HEMK2: variants seen among roughly 807,000 people sequenced by gnomAD.
HEMK2 encodes methyltransferase HEMK2.
chr21:28,753,514 G>A, the HEMK2 span, among the ~76,000 whole-genome samples: 1 of 152,098 alleles, frequency 6.6e-6, no homozygotes, highest in Admixed American at 6.5e-5. Flanking sequence ...GGTCATTATG[G>A]GAGCAGAAGG....
the HEMK2 span, among the ~76,000 whole-genome samples, chr21:28,768,760 T>C: frequency 6.6e-6 from 1 of 152,022 alleles, no homozygotes; most frequent in African/African-American, 2.4e-5. Context: ...CTAAAAGTCA[T>C]ATGTTGAAGC....
At chr21:28,831,775 C>G in the HEMK2 span, among the ~76,000 whole-genome samples, 1,991 of 108,504 alleles carry the variant, frequency 0.018, 40 homozygotes, top group East Asian at 0.086. Flanking sequence ...AAGAAAGAAA[C>G]AGTATCACCT....
chr21:28,597,449 T>C, the HEMK2 span, among the ~76,000 whole-genome samples: 1 of 152,210 alleles, frequency 6.6e-6, no homozygotes, highest in African/African-American at 2.4e-5. Context: ...CAAGGAGTAA[T>C]TAATAGAATT....
the HEMK2 span, chr21:28,885,230 G>A: frequency 3.2e-6 from 5 of 1,581,986 alleles, no homozygotes; most frequent in Middle Eastern, 1.7e-4. Context: ...TTCGGCAGCC[G>A]CTGCCTCCAG....
At chr21:28,828,482 C>G in the HEMK2 span, among the ~76,000 whole-genome samples, 1 of 152,152 alleles carries the variant, frequency 6.6e-6, no homozygotes, top group Non-Finnish European at 1.5e-5. Flanking sequence ...GGTGAACACT[C>G]ATAATAGTGG....
the HEMK2 span, among the ~76,000 whole-genome samples, chr21:28,867,581 G>C: frequency 6.6e-6 from 1 of 152,138 alleles, no homozygotes; most frequent in African/African-American, 2.4e-5. Context: ...AAAAAAACAA[G>C]GCTTTTGGGT....
the HEMK2 span, among the ~76,000 whole-genome samples, chr21:28,713,283 C>A: frequency 1.3e-5 from 2 of 152,138 alleles, no homozygotes; most frequent in Admixed American, 6.5e-5. Context: ...CATCTCTCAC[C>A]GGGAGGACAG....
chr21:28,717,228 T>C, the HEMK2 span, among the ~76,000 whole-genome samples: 1 of 152,180 alleles, frequency 6.6e-6, no homozygotes, highest in Non-Finnish European at 1.5e-5. Context: ...AATTCAGATA[T>C]GAATCCATCA....
chr21:28,697,748 C>A, the HEMK2 span, among the ~76,000 whole-genome samples: 3 of 121,152 alleles, frequency 2.5e-5, no homozygotes, highest in African/African-American at 1.0e-4. Context: ...TGTCTCCAGG[C>A]TTCTTGTACA....
chr21:28,818,725 G>A, the HEMK2 span, among the ~76,000 whole-genome samples: 1 of 152,162 alleles, frequency 6.6e-6, no homozygotes, highest in Non-Finnish European at 1.5e-5. Flanking sequence ...CTGCATCACA[G>A]TCCGTGGGGC....
chr21:28,854,233 T>C, the HEMK2 span, among the ~76,000 whole-genome samples: 1 of 152,182 alleles, frequency 6.6e-6, no homozygotes, highest in Non-Finnish European at 1.5e-5. Flanking sequence ...TAATCACCAA[T>C]GCATCAGGAA....
the HEMK2 span, among the ~76,000 whole-genome samples, chr21:28,583,168 T>C: frequency 6.6e-6 from 1 of 152,230 alleles, no homozygotes; most frequent in Non-Finnish European, 1.5e-5. Context: ...TAAAGAATTA[T>C]GTAAGATGAA....
the HEMK2 span, among the ~76,000 whole-genome samples, chr21:28,593,252 T>C: frequency 2.0e-5 from 3 of 152,168 alleles, no homozygotes; most frequent in African/African-American, 4.8e-5. Flanking sequence ...ATAAGGTGCA[T>C]ATAAACATAA....
At chr21:28,613,865 G>A in the HEMK2 span, among the ~76,000 whole-genome samples, 58 of 152,220 alleles carry the variant, frequency 3.8e-4, no homozygotes, top group South Asian at 0.012. Context: ...GAAGCTTGCT[G>A]ACTAGGACTT....
the HEMK2 span, among the ~76,000 whole-genome samples, chr21:28,769,367 G>A: frequency 1.3e-5 from 2 of 152,138 alleles, no homozygotes; most frequent in East Asian, 3.9e-4. Context: ...GCATAAGGGA[G>A]GTCTTTGTTT....
At chr21:28,625,111 G>A in the HEMK2 span, among the ~76,000 whole-genome samples, 2 of 152,282 alleles carry the variant, frequency 1.3e-5, no homozygotes, top group African/African-American at 4.8e-5. Flanking sequence ...AATCAACTGA[G>A]GAAAAGTCAC....
the HEMK2 span, among the ~76,000 whole-genome samples, chr21:28,622,432 C>A: frequency 3.3e-5 from 5 of 152,256 alleles, no homozygotes; most frequent in East Asian, 9.6e-4. Flanking sequence ...TCAATGCTAT[C>A]CCCATCAAGT....
At chr21:28,848,653 A>G in the HEMK2 span, among the ~76,000 whole-genome samples, 1 of 151,950 alleles carries the variant, frequency 6.6e-6, no homozygotes, top group Non-Finnish European at 1.5e-5. Flanking sequence ...CATTTCTTTC[A>G]AACTCCTTTA....
the HEMK2 span, among the ~76,000 whole-genome samples, chr21:28,651,596 C>T: frequency 6.6e-6 from 1 of 152,140 alleles, no homozygotes; most frequent in Non-Finnish European, 1.5e-5. Context: ...AGAATGATTT[C>T]ATTTTTGTCT....
Sources: gnomAD v4.1 joint callset for allele counts (sites outside exome capture counted in the v4.1 genomes callset) on GRCh38, gnomAD v4.1.1 for gene constraint, MANE v1.5 for transcripts, NCBI Gene and HGNC (gene_info 2026-07-23, HGNC 2026-07-21) for gene names.